GAK: variants seen among roughly 807,000 people sequenced by gnomAD.
GAK encodes the protein cyclin G associated kinase, also known as cyclin-G-associated kinase.
A neutral mutation model predicts 143.9 loss-of-function variants in GAK; 79 were observed. The ratio of observed to expected loss-of-function variants is 0.55; its 90% confidence interval spans 0.46 to 0.66. The LOEUF (loss-of-function observed/expected upper bound fraction) is 0.66. Among genes scored for constraint, GAK ranks in the 30% least tolerant of loss-of-function variants. The pLI is 0.00. For missense variants in GAK, 1,693 were observed against 1,779.7 expected (o/e 0.95, Z 0.88); for synonymous variants, 881 against 765.5 (o/e 1.15, Z -2.49).
chr4:904,614 C>T (rs761030340), intron 5 of GAK, 23 bp downstream of exon 5: 1 of 1,543,542 alleles, frequency 6.5e-7, no homozygotes, highest in South Asian at 1.3e-5. Flanking sequence ...GCCTTGGCAG[C>T]CGCGTGTGGA....
chr4:873,567 G>A (rs553797846), intron 18 of GAK, among the ~76,000 whole-genome samples: 8 of 151,678 alleles, frequency 5.3e-5, no homozygotes, highest in South Asian at 2.1e-4. Context: ...GGCCATCAGC[G>A]TGGGCCTGTC....
intron 5 of GAK, 24 bp from the exon 6 acceptor site, chr4:898,182 C>T: frequency 6.2e-7 from 1 of 1,612,808 alleles, no homozygotes; most frequent in East Asian, 2.2e-5. Flanking sequence ...CAAGACAGCC[C>T]CGTGAACTTG....
chr4:861,129 C>G (rs919733665), intron 23 of GAK, among the ~76,000 whole-genome samples: 5 of 152,202 alleles, frequency 3.3e-5, no homozygotes, highest in African/African-American at 9.6e-5. Flanking sequence ...CACTCCCCGT[C>G]TCGCTCCTTC....
chr4:889,023 A>AG (rs1221449934), intron 10 of GAK, 53 bp from the exon 11 acceptor site: 1 of 1,551,388 alleles, frequency 6.4e-7, no homozygotes, highest in Non-Finnish European at 8.7e-7. Context: ...CCACCTCCCC[A>AG]GGTGCGGGTT....
intron 9 of GAK, among the ~76,000 whole-genome samples, chr4:890,951 T>C (rs1318137169): frequency 6.6e-6 from 1 of 151,808 alleles, no homozygotes; most frequent in African/African-American, 2.4e-5. Flanking sequence ...CCAACATTTT[T>C]TTTTTTTTTT....
At position 898,036 on chromosome 4, in the gene GAK, T is replaced by C; in HGVS notation, c.648A>G (p.Glu216=). ...GCATAGGCCCCACTCAGCTCACCTC[T>C]TCCTCCACCAGGGCTCGCCTCTGGG... ...WSAQRRALVE[E]EITRNTTPMY... Residue 216 remains glutamate (E), a synonymous_variant, in exon 6 of 28, where the codon GAA becomes GAG. Transcript: ENST00000314167. 3 of 1,612,558 alleles carry C rather than the reference T, an allele frequency of 1.9e-6. No homozygotes were observed. Among genetic ancestry groups the C allele is most frequent in the Non-Finnish European group, 2.5e-6 (3 of 1,179,348 alleles).
chr4:920,456 A>G (rs189850464), intron 1 of GAK, among the ~76,000 whole-genome samples: 100 of 152,030 alleles, frequency 6.6e-4, no homozygotes, highest in East Asian at 9.7e-4. Context: ...GGTGGTGAAA[A>G]CGCCACCAGG....
chr4:866,969 C>G lies in GAK; in HGVS notation c.2859G>C (p.Gly953=). The change falls in exon 21 of 28, where the codon GGG becomes GGC. Residue 953 remains glycine, a synonymous_variant. Transcript: ENST00000314167. Reference sequence around the variant, plus strand: ...AGAAACACGTACCAGCGGCAGGGGGCCCTCCTCTTGGGGTGCTCTGCACGC... The same window carrying G: ...AGAAACACGTACCAGCGGCAGGGGGGCCTCCTCTTGGGGTGCTCTGCACGC... ...PLSVQSTPRG[G]PPAAADPFGP... The G allele has an allele frequency of 6.7e-7, 1 of 1,487,578 alleles. No homozygotes were observed. The highest frequency in any genetic ancestry group is 8.9e-7 in the Non-Finnish European group (1 of 1,118,786). 92.1% of individuals were successfully genotyped at this position (1,487,578 alleles called of 1,614,324 possible).
chr4:917,838 G>A (rs2152956643), intron 1 of GAK, among the ~76,000 whole-genome samples: 1 of 152,248 alleles, frequency 6.6e-6, no homozygotes, highest in East Asian at 1.9e-4. Flanking sequence ...AATCTGTGAG[G>A]AAAAACACAG....
chr4:862,241 C>T (rs11723087), intron 23 of GAK, among the ~76,000 whole-genome samples: 52,165 of 150,644 alleles, frequency 0.35, 9,155 homozygotes, highest in South Asian at 0.4. Context: ...GGGCTGCACC[C>T]GCCAGACTCT....
intron 1 of GAK, among the ~76,000 whole-genome samples, chr4:921,197 G>A (rs1044424183): frequency 1.3e-5 from 2 of 152,076 alleles, no homozygotes; most frequent in Non-Finnish European, 2.9e-5. Flanking sequence ...CCGCCTCCCA[G>A]GTTCAAGCGA....
chr4:849,834 A>ACCCCCCCC (rs33919242), intron 27 of GAK, 58 bp downstream of exon 27: 415 of 948,350 alleles, frequency 4.4e-4, no homozygotes, highest in South Asian at 1.4e-3. Context: ...GCGGGGCAGG[A>ACCCCCCCC]CCCCCCCCCC....
At chr4:912,973 C>T (rs569051927) in intron 2 of GAK, among the ~76,000 whole-genome samples, 179 bp from the exon 3 acceptor site, 1 of 152,224 alleles carries the variant, frequency 6.6e-6, no homozygotes, top group African/African-American at 2.4e-5. Context: ...GTTCAAGACC[C>T]TCAAAAGATC....
intron 1 of GAK, among the ~76,000 whole-genome samples, chr4:924,383 G>A (rs189803537): frequency 6.6e-6 from 1 of 152,086 alleles, no homozygotes. Context: ...CGTGGAAGGA[G>A]GTTTGGTTGT....
intron 11 of GAK, 117 bp from the exon 12 acceptor site, chr4:884,203 G>A (rs750522254): frequency 2.1e-5 from 17 of 823,652 alleles, no homozygotes; most frequent in Admixed American, 6.6e-5. Context: ...TGTAGAGGCC[G>A]CATCCCAGGA....
intron 4 of GAK, among the ~76,000 whole-genome samples, chr4:910,885 G>A (rs1189172851): frequency 6.6e-6 from 1 of 152,162 alleles, no homozygotes; most frequent in Non-Finnish European, 1.5e-5. Context: ...CACGAGGCAG[G>A]GCTGGGGGTG....
intron 18 of GAK, among the ~76,000 whole-genome samples, chr4:871,727 C>A (rs1487642497): frequency 6.6e-6 from 1 of 151,974 alleles, no homozygotes; most frequent in South Asian, 2.1e-4. Flanking sequence ...GTCAGCAGGG[C>A]CCGCCTTGGG....
chr4:856,429 C>CAG (rs1560281058), intron 24 of GAK, among the ~76,000 whole-genome samples: 44 of 96,622 alleles, frequency 4.6e-4, no homozygotes, highest in Admixed American at 1.3e-3. Context: ...GCTGCTCACA[C>CAG]CTGCTCACCA....
rs891439046 is a variant in GAK, at chr4:876,323, CG to C, written c.2054+206del. Among the ~76,000 whole-genome samples, 8 of 151,738 alleles carry C rather than the reference CG, an allele frequency of 5.3e-5. No homozygotes were observed. In the East Asian group the frequency reaches 9.8e-4, roughly 19 times the overall value. ...AAATTCTAACAGACACACACACCAA[CG>C]GGGGGGCAGAGCAGCAGCCACCGGG... On this transcript the variant is annotated intron_variant, in intron 18 of 27. Transcript: ENST00000314167.
Sources: gnomAD v4.1 joint callset for allele counts (sites outside exome capture counted in the v4.1 genomes callset) on GRCh38, gnomAD v4.1.1 for gene constraint, MANE v1.5 for transcripts, NCBI Gene and HGNC (gene_info 2026-07-23, HGNC 2026-07-21) for gene names.